DNAJA3: variants seen among roughly 807,000 people sequenced by gnomAD.
The protein encoded by DNAJA3 is dnaJ homolog subfamily A member 3, mitochondrial.
In DNAJA3, 29 loss-of-function variants were observed where a neutral mutation model predicts 54.9. The observed-to-expected ratio is 0.53, with a 90% CI of 0.39 to 0.72. DNAJA3 has a LOEUF of 0.72. DNAJA3 is among the 30% of genes least tolerant of loss of function. The pLI is 0.00. For missense variants in DNAJA3, 708 were observed against 639.4 expected, an observed-to-expected ratio of 1.11 and a Z score of -1.16; for synonymous variants, 302 against 251.4, an observed-to-expected ratio of 1.20 and a Z score of -1.90.
intron 8 of DNAJA3, chr16:4,447,509 T>C (rs76002862): frequency 0.025 from 3,892 of 153,936 alleles, 174 homozygotes; most frequent in African/African-American, 0.089. Flanking sequence ...CCAGCTTCTT[T>C]GTGGGGAACC....
chr16:4,439,865 C>A (rs1344910479), intron 3 of DNAJA3, among the ~76,000 whole-genome samples: 1 of 152,116 alleles, frequency 6.6e-6, no homozygotes, highest in East Asian at 1.9e-4. Context: ...TTTCTTAGTC[C>A]CCCTCCATTC....
intron 7 of DNAJA3, 71 bp from the exon 8 acceptor site, chr16:4,446,815 G>T: frequency 1.3e-6 from 2 of 1,585,286 alleles, no homozygotes; most frequent in Non-Finnish European, 1.7e-6. Context: ...CTTGGGCCTG[G>T]CCAGGCATGC....
In DNAJA3 at chr16:4,455,572, G is replaced by T. The variant is rs745589679; in HGVS notation, c.*40G>T. ...AAAAAGATCCACTGGAAACTAGGCC[G>T]GGAAGCAGCAGCCCCTCCAAGGGCC... On this transcript the variant is annotated 3_prime_UTR_variant, in exon 12 of 12. Coordinates refer to ENST00000262375, the MANE Select transcript of DNAJA3 (RefSeq NM_005147.6). 1 of 1,551,626 alleles carries T rather than the reference G, an allele frequency of 6.4e-7. No individual in the cohort carries two copies.
chr16:4,442,618 G>C, intron 5 of DNAJA3, 198 bp downstream of exon 5: 1 of 607,554 alleles, frequency 1.6e-6, no homozygotes, highest in Non-Finnish European at 2.7e-6. Flanking sequence ...AGCAACCAGA[G>C]CACAGCAGCT....
chr16:4,447,585 A>G (rs2056918472), intron 8 of DNAJA3: 1 of 152,866 alleles, frequency 6.5e-6, no homozygotes, highest in South Asian at 2.0e-4. Context: ...TCTGGGGGCT[A>G]TTCCCTGGCT....
rs760124573 is a variant in DNAJA3 at position 4,442,349 on chromosome 16, C to A, written c.712C>A (p.Arg238Ser). ...CGTGAACATCATGGACACGTGTGAG[C>A]GCTGCAACGGCAAGGGGAACGAGCC... ...FTVNIMDTCE[R>S]CNGKGNEPGT... Residue 238 changes from arginine (R) to serine (S), a missense_variant, in exon 5 of 12, where the codon CGC becomes AGC. Transcript: ENST00000262375. 1.2e-6 allele frequency: 2 copies of A among 1,609,614 alleles called. No individual in the cohort carries two copies. Among genetic ancestry groups the A allele is most frequent in the East Asian group, 4.5e-5 (2 of 44,608 alleles).
intron 1 of DNAJA3, among the ~76,000 whole-genome samples, chr16:4,432,917 G>A (rs987446203): frequency 2.6e-5 from 4 of 151,942 alleles, no homozygotes; most frequent in Admixed American, 6.6e-5. Flanking sequence ...CGAGGCAGGC[G>A]GATCATGAGG....
In DNAJA3 at chr16:4,454,825, G is replaced by A. The variant is rs534035221; in HGVS notation, c.1354G>A (p.Asp452Asn). The change falls in exon 11 of 12, where the codon GAT (aspartate) becomes AAT (asparagine). Residue 452 changes from aspartate (D) to asparagine (N), a missense_variant. Physicochemically the swap from Asp to Asn is conservative, Grantham distance 23. Transcript: ENST00000262375. ...TTTGTGCCCAGGTGGCAGCACCATG[G>A]ATAGCTCCGCAGGAAGCAAGGCTAG... ...TLTSSGGSTM[D>N]SSAGSKARRE... The A allele has an allele frequency of 5.6e-6, 9 of 1,613,780 alleles. No homozygotes were observed. In the South Asian group the frequency reaches 8.8e-5, roughly 16 times the overall value.
chr16:4,427,719 G>A (rs1377834528), intron 1 of DNAJA3, among the ~76,000 whole-genome samples: 1 of 152,156 alleles, frequency 6.6e-6, no homozygotes, highest in Non-Finnish European at 1.5e-5. Flanking sequence ...TGCCCAGACT[G>A]GTGCAGAGGC....
At chr16:4,441,338 G>C in intron 3 of DNAJA3, 37 bp from the exon 4 acceptor site, 1 of 1,584,320 alleles carries the variant, frequency 6.3e-7, no homozygotes, top group Non-Finnish European at 8.6e-7. Context: ...GGCCTTGGTA[G>C]ACCTGGGATG....
chr16:4,442,467 CTG>C, intron 5 of DNAJA3, 47 bp downstream of exon 5: 1 of 1,518,590 alleles, frequency 6.6e-7, no homozygotes, highest in Non-Finnish European at 8.8e-7. Flanking sequence ...GCACCACTGA[CTG>C]AGAAGAGCTG....
chr16:4,429,300 C>A (rs1207080379), intron 1 of DNAJA3, among the ~76,000 whole-genome samples: 2 of 151,906 alleles, frequency 1.3e-5, no homozygotes, highest in African/African-American at 4.8e-5. Flanking sequence ...CTCGGCTCAC[C>A]GCATCCTCCG....
chr16:4,433,648 T>C (rs1323964981), intron 1 of DNAJA3, among the ~76,000 whole-genome samples: 1 of 152,184 alleles, frequency 6.6e-6, no homozygotes, highest in Non-Finnish European at 1.5e-5. Flanking sequence ...TGGGGAGTTG[T>C]TAAGCATTAA....
chr16:4,449,305 G>A (rs954104528), intron 9 of DNAJA3, among the ~76,000 whole-genome samples: 15 of 152,188 alleles, frequency 9.9e-5, no homozygotes, highest in African/African-American at 3.4e-4. Context: ...CAGAATGGTC[G>A]ACTTCTTGGA....
chr16:4,455,599 G>A lies in DNAJA3; in HGVS notation c.*67G>A. The stretch of plus-strand genomic sequence containing the variant: ...GAAGCAGCAGCCCCTCCAAGGGCCA[G>A]GGCACCTGGGAGACGGGAGGATTCC... On this transcript the variant is annotated 3_prime_UTR_variant, in exon 12 of 12. Coordinates refer to ENST00000262375, the MANE Select transcript of DNAJA3 (RefSeq NM_005147.6). 6.4e-7 allele frequency: 1 copy of A among 1,551,584 alleles called. No homozygotes were observed. The highest frequency in any genetic ancestry group is 8.7e-7 in the Non-Finnish European group (1 of 1,146,818).
chr16:4,427,590 A>G (rs1294119222), intron 1 of DNAJA3, among the ~76,000 whole-genome samples: 2 of 152,206 alleles, frequency 1.3e-5, no homozygotes, highest in Non-Finnish European at 2.9e-5. Context: ...GGCCAATTGT[A>G]TGCCAGCCAC....
intron 3 of DNAJA3, chr16:4,437,774 A>T (rs960526479): frequency 7.7e-6 from 2 of 261,092 alleles, no homozygotes; most frequent in African/African-American, 4.9e-5. Context: ...ATGTAGTAAG[A>T]CCACGTCTCT....
rs748110814 is a variant in DNAJA3, at chr16:4,442,383, A to G, written c.746A>G (p.Lys249Arg). ...CNGKGNEPGT[K>R]VQHCHYCGGS... The stretch of plus-strand genomic sequence containing the variant: ...GGCAAGGGGAACGAGCCCGGCACCA[A>G]GGTGCAGCATTGCCACTACTGTGGC... Residue 249 changes from lysine to arginine, a missense_variant, in exon 5 of 12, where the codon AAG becomes AGG. Transcript: ENST00000262375. 4 of 1,609,222 alleles carry G rather than the reference A, an allele frequency of 2.5e-6. No homozygotes were observed. Among genetic ancestry groups the G allele is most frequent in the Non-Finnish European group, 3.4e-6 (4 of 1,177,732 alleles).
intron 10 of DNAJA3, among the ~76,000 whole-genome samples, chr16:4,454,565 T>C (rs2057013804): frequency 6.6e-6 from 1 of 152,254 alleles, no homozygotes; most frequent in African/African-American, 2.4e-5. Flanking sequence ...GTTTCCCTGC[T>C]GTGGGTCCTT....
Sources: allele counts gnomAD v4.1 joint callset (sites outside exome capture counted in the v4.1 genomes callset), GRCh38; gene constraint gnomAD v4.1.1; transcripts MANE v1.5; gene names NCBI Gene and HGNC (gene_info 2026-07-23, HGNC 2026-07-21).